Variants in DHX57 observed in about 807,000 individuals in gnomAD.
DHX57 encodes the protein putative ATP-dependent RNA helicase DHX57.
Under a neutral mutation model 156.2 loss-of-function variants are expected in DHX57, and 105 were observed. The ratio of observed to expected loss-of-function variants is 0.67; its 90% CI spans 0.57 to 0.79. DHX57 has a LOEUF of 0.79. Among genes scored for constraint, DHX57 ranks in the 30% least tolerant of loss-of-function variants. The pLI, the probability that DHX57 is intolerant of heterozygous loss-of-function variation, is 0.00. For synonymous variants in DHX57, 704 were observed against 595.6 expected, an observed-to-expected ratio of 1.18 and a Z score of -2.65; for missense variants, 1,847 against 1,661.9, an observed-to-expected ratio of 1.11 and a Z score of -1.94.
chr2:38,869,897 T>C (rs1009063569), intron 1 of DHX57, among the ~76,000 whole-genome samples: 1 of 152,132 alleles, frequency 6.6e-6, no homozygotes, highest in African/African-American at 2.4e-5. Context: ...GAGTTCAAAA[T>C]AGTCATTATA....
chr2:38,870,751 C>T (rs1029399057), intron 1 of DHX57, among the ~76,000 whole-genome samples: 2 of 152,010 alleles, frequency 1.3e-5, no homozygotes, highest in African/African-American at 2.4e-5. Flanking sequence ...TGGTGGCACA[C>T]ACCTGTAGTC....
In DHX57 at chr2:38,806,763, A is replaced by T. The variant is rs78906782; in HGVS notation, c.3682-70T>A. On this transcript the variant is annotated intron_variant, in intron 21 of 23. Transcript: ENST00000457308. ...TCTCATAGAAAGTATCTCTTGGCAC[A>T]AAAGCACAAAACCAGTCTTGCTCAG... 2.5e-3 allele frequency: 3,659 copies of T among 1,473,108 alleles called. 10 individuals are homozygous for T. Among genetic ancestry groups the T allele is most frequent in the Non-Finnish European group, 3.0e-3 (3,240 of 1,089,640 alleles). 91.3% of individuals were successfully genotyped at this position (1,473,108 alleles called of 1,614,324 possible). A position where few individuals can be genotyped will look rare whatever the true frequency, so the allele number is the denominator to read the frequency against.
rs751453587 is a variant in DHX57, at chr2:38,861,435, C to T, written c.975G>A (p.Val325=). The T allele has an allele frequency of 6.2e-7, 1 of 1,614,040 alleles. No individual in the cohort carries two copies. The highest frequency in any genetic ancestry group is 1.7e-5 in the Admixed American group (1 of 60,006). Residue 325 remains valine, a synonymous_variant, in exon 5 of 24, where the codon GTG becomes GTA. Transcript: ENST00000457308. ...FGSKCRFKHE[V]PPNQIVGRIE... is the part of the protein sequence containing the mutation. ...TTCTTCCAACAATTTGATTTGGGGG[C>T]ACTTCATGTTTGAATCTGCATTTTG...
intron 9 of DHX57, among the ~76,000 whole-genome samples, chr2:38,851,716 T>C (rs567489111): frequency 2.6e-5 from 4 of 152,364 alleles, no homozygotes; most frequent in East Asian, 1.9e-4. Flanking sequence ...ACAAATGTTA[T>C]AGAATCCAAA....
intron 9 of DHX57, among the ~76,000 whole-genome samples, chr2:38,851,357 T>C (rs1274433960): frequency 6.6e-6 from 1 of 152,216 alleles, no homozygotes; most frequent in Non-Finnish European, 1.5e-5. Flanking sequence ...TTATTAAAAT[T>C]TCAAACTAAC....
intron 20 of DHX57, among the ~76,000 whole-genome samples, chr2:38,814,620 G>T (rs894457703): frequency 1.3e-5 from 2 of 152,112 alleles, no homozygotes; most frequent in Admixed American, 1.3e-4. Flanking sequence ...ATGCTGGCCT[G>T]ATTTGAGAAA....
intron 6 of DHX57, 47 bp from the exon 7 acceptor site, chr2:38,856,508 T>TC (rs750764185): frequency 4.8e-5 from 67 of 1,403,008 alleles, no homozygotes; most frequent in Middle Eastern, 2.0e-4. Context: ...TTTTTCTTTT[T>TC]TTTTTTTTTT....
rs1359105281 is a variant in DHX57, at chr2:38,858,643, T to A, written c.1587+18A>T. On this transcript the variant is annotated intron_variant, in intron 6 of 23. Transcript: ENST00000457308. ...ATATTAGGGAGGCAACGTTACTCAT[T>A]CTCTCAGCATACCCTACCTGTTTCA... The A allele has an allele frequency of 7.5e-6, 12 of 1,598,374 alleles. No individual in the cohort carries two copies.
Position 38,802,715 on chromosome 2 carries a change from C to A in DHX57, c.4017G>T (p.Gln1339His), listed in dbSNP as rs1285033350. The change falls in exon 23 of 24, where the codon CAG (glutamine) becomes CAT (histidine). Residue 1339 changes from glutamine (Q) to histidine (H), a missense_variant and splice_region_variant. Physicochemically the swap from Gln to His is conservative, Grantham distance 24. Coordinates refer to ENST00000457308, the MANE Select transcript of DHX57 (RefSeq NM_198963.3). ...GWIRFVAASH[Q>H]VAELVKELRC... ...TAAAACAGACCAATTCTGCCTTTAC[C>A]TGATGGGAAGCAGCTACAAAACGGA... is the stretch of plus-strand genomic sequence containing the variant. The A allele has an allele frequency of 1.2e-6, 2 of 1,613,856 alleles. No homozygotes were observed. Among genetic ancestry groups the A allele is most frequent in the Non-Finnish European group, 1.7e-6 (2 of 1,180,014 alleles).
intron 19 of DHX57, among the ~76,000 whole-genome samples, chr2:38,818,400 G>A (rs769526849): frequency 6.6e-6 from 1 of 152,088 alleles, no homozygotes; most frequent in East Asian, 1.9e-4. Context: ...GGTGGCATGT[G>A]CCTGTCGTCC....
chr2:38,871,211 A>G (rs1665337196), intron 1 of DHX57, among the ~76,000 whole-genome samples: 1 of 152,174 alleles, frequency 6.6e-6, no homozygotes, highest in Non-Finnish European at 1.5e-5. Context: ...TTTTCTCTGA[A>G]ATGATTTAAA....
At chr2:38,800,461 C>T (rs1336756534) in intron 23 of DHX57, among the ~76,000 whole-genome samples, 1 of 152,136 alleles carries the variant, frequency 6.6e-6, no homozygotes, top group Non-Finnish European at 1.5e-5. Context: ...TGTTGTGGCA[C>T]TGTAGACATC....
At position 38,799,682 on chromosome 2, in the gene DHX57, A is replaced by G. The variant is rs558751782; in HGVS notation, c.4018-1240T>C. ...GGAGAATTGCTTGAACCCAGGAGGC[A>G]GAGGTTGTGGTGAGCCGAGATCGCG... On this transcript the variant is annotated intron_variant, in intron 23 of 23. Coordinates refer to ENST00000457308, the MANE Select transcript of DHX57 (RefSeq NM_198963.3). 1.0e-3 allele frequency among the ~76,000 whole-genome samples: 143 copies of G among 142,076 alleles called. 3 individuals are homozygous for G. The East Asian group carries it at 0.029, about 29-fold the overall frequency. The allele number at this position is 142,076 out of a possible 152,430, so 93.2% of individuals were successfully genotyped here.
chr2:38,835,826 G>A (rs1419418473), intron 13 of DHX57, among the ~76,000 whole-genome samples: 1 of 152,198 alleles, frequency 6.6e-6, no homozygotes, highest in Non-Finnish European at 1.5e-5. Context: ...GACCTCACAG[G>A]ATTTATAAGA....
chr2:38,839,854 A>G (rs2124867715), intron 12 of DHX57, among the ~76,000 whole-genome samples: 1 of 152,322 alleles, frequency 6.6e-6, no homozygotes, highest in South Asian at 2.1e-4. Flanking sequence ...GAGCAGAATC[A>G]CTTTTCTTTG....
At position 38,856,349 on chromosome 2, in the gene DHX57, C is replaced by A; in HGVS notation, c.1700G>T (p.Gly567Val). ...TAAACTGCATTCTTACCCAGTCATA[C>A]CACTTATGACAACCACCTGGTGCTT... ...LRKHQVVVIS[G>V]MTGCGKTTQI... The change falls in exon 7 of 24, where the codon GGT becomes GTT. Residue 567 changes from glycine to valine, a missense_variant. Physicochemically the swap from Gly to Val is moderately radical, Grantham distance 109. Transcript: ENST00000457308. 6.2e-7 allele frequency: 1 copy of A among 1,610,214 alleles called. No homozygotes were observed.
chr2:38,831,819 C>A (rs191852569), intron 13 of DHX57, among the ~76,000 whole-genome samples: 1 of 147,822 alleles, frequency 6.8e-6, no homozygotes, highest in East Asian at 2.0e-4. Flanking sequence ...ATCACACCAT[C>A]GCACTCCAGA....
At chr2:38,873,947 C>G (rs1665471244) in intron 1 of DHX57, among the ~76,000 whole-genome samples, 1 of 152,118 alleles carries the variant, frequency 6.6e-6, no homozygotes, top group African/African-American at 2.4e-5. Flanking sequence ...TCGGTATACA[C>G]AGGGGATTGG....
chr2:38,822,107 G>A (rs577428731), intron 17 of DHX57, among the ~76,000 whole-genome samples: 1 of 151,878 alleles, frequency 6.6e-6, no homozygotes, highest in East Asian at 1.9e-4. Flanking sequence ...TTTTTGAGAC[G>A]GAATTTCGCT....
Sources: allele counts gnomAD v4.1 joint callset (sites outside exome capture counted in the v4.1 genomes callset), GRCh38; gene constraint gnomAD v4.1.1; transcripts MANE v1.5; gene names NCBI Gene and HGNC (gene_info 2026-07-23, HGNC 2026-07-21).